The following COL24A1 variants were observed in gnomAD, a reference collection of about 807,000 sequenced individuals.
The protein encoded by COL24A1 is collagen type XXIV alpha 1 chain.
COL24A1 carries 224 observed loss-of-function variants against 253.9 expected under a neutral mutation model. The ratio of observed to expected loss-of-function variants is 0.88; its 90% CI spans 0.79 to 0.99. The LOEUF is 0.99. Ranked by LOEUF, COL24A1 falls within the 50% of genes least tolerant of loss-of-function variation. The pLI is 0.00. For synonymous variants in COL24A1, 685 were observed against 673.7 expected (o/e 1.02, Z -0.26); for missense variants, 2,131 against 2,068.5 (o/e 1.03, Z -0.59).
chr1:85,778,032 T>TCTATCTATCTAA (rs1668753034), intron 52 of COL24A1, among the ~76,000 whole-genome samples: 1 of 145,156 alleles, frequency 6.9e-6, no homozygotes, highest in Non-Finnish European at 1.5e-5. Context: ...TCTCTATCTA[T>TCTATCTATCTAA]CTATCTATCT....
At chr1:86,031,781 A>G in intron 14 of COL24A1, 97 bp downstream of exon 14, 1 of 926,398 alleles carries the variant, frequency 1.1e-6, no homozygotes, top group Admixed American at 2.6e-5. Flanking sequence ...ATGACAGTAA[A>G]ACCTCTCATT....
intron 12 of COL24A1, among the ~76,000 whole-genome samples, chr1:86,035,584 G>C (rs1317716370): frequency 6.6e-6 from 1 of 152,098 alleles, no homozygotes. Flanking sequence ...GGGAGGAATG[G>C]AAAGTGATTC....
At chr1:85,790,558 G>A (rs187560264) in intron 47 of COL24A1, among the ~76,000 whole-genome samples, 1 of 151,682 alleles carries the variant, frequency 6.6e-6, no homozygotes, top group East Asian at 1.9e-4. Context: ...ATCTTATATG[G>A]CACTTCCATT....
At chr1:85,823,817 G>T in intron 43 of COL24A1, 79 bp from the exon 44 acceptor site, 1 of 1,303,466 alleles carries the variant, frequency 7.7e-7, no homozygotes, top group Non-Finnish European at 1.1e-6. Flanking sequence ...CACTTAAAAT[G>T]GTAGCAAAGT....
chr1:85,827,322 G>A (rs1388627499), intron 43 of COL24A1, among the ~76,000 whole-genome samples: 1 of 151,378 alleles, frequency 6.6e-6, no homozygotes, highest in Admixed American at 6.6e-5. Context: ...GCTGGATTCA[G>A]TTTGCCAGTA....
At chr1:85,815,451 G>A (rs1020513731) in intron 47 of COL24A1, among the ~76,000 whole-genome samples, 1 of 151,944 alleles carries the variant, frequency 6.6e-6, no homozygotes, top group Non-Finnish European at 1.5e-5. Flanking sequence ...TTAAAGTTTC[G>A]TAGGCCGTAA....
At chr1:85,821,679 G>A (rs1673637990) in intron 45 of COL24A1, among the ~76,000 whole-genome samples, 1 of 152,144 alleles carries the variant, frequency 6.6e-6, no homozygotes, top group South Asian at 2.1e-4. Context: ...ATTACCCAAA[G>A]CAGGGAAGAA....
rs760587766 is a variant in COL24A1 at position 85,818,037 on chromosome 1, A to T, written c.3840T>A (p.Ile1280=). 1 of 1,613,512 alleles carries T rather than the reference A, an allele frequency of 6.2e-7. No individual in the cohort carries two copies. The highest frequency in any genetic ancestry group is 8.5e-7 in the Non-Finnish European group (1 of 1,179,508). The change falls in exon 46 of 60, where the codon ATT becomes ATA. Residue 1280 remains isoleucine (I), a synonymous_variant. Coordinates refer to ENST00000370571, the MANE Select transcript of COL24A1 (RefSeq NM_152890.7). ...ATGAAAGAGGCCTGTTACTTACAGG[A>T]ATCCCAGGTTTCCCAGAAGGACCAG... The part of the protein sequence containing the change: ...GAPGPSGKPG[I]PGLQGLLGPK...
intron 37 of COL24A1, among the ~76,000 whole-genome samples, chr1:85,857,334 A>G (rs1044972314): frequency 2.0e-4 from 31 of 151,904 alleles, no homozygotes; most frequent in Non-Finnish European, 3.1e-4. Flanking sequence ...TAGCTCTACA[A>G]TAAGGGCTGG....
At chr1:86,091,799 A>C (rs968118778) in intron 6 of COL24A1, among the ~76,000 whole-genome samples, 1 of 152,156 alleles carries the variant, frequency 6.6e-6, no homozygotes, top group African/African-American at 2.4e-5. Flanking sequence ...AAAATCTATG[A>C]ATTCTGTTTT....
intron 37 of COL24A1, among the ~76,000 whole-genome samples, chr1:85,855,302 G>T (rs916518755): frequency 3.9e-5 from 6 of 151,980 alleles, no homozygotes; most frequent in African/African-American, 1.4e-4. Context: ...ATCTCTCAAG[G>T]GGAATGCTTC....
intron 24 of COL24A1, among the ~76,000 whole-genome samples, chr1:85,945,016 T>G (rs1240597428): frequency 6.7e-5 from 6 of 89,636 alleles, no homozygotes; most frequent in African/African-American, 2.1e-4. Context: ...TTTTTTTTTT[T>G]TTTTTTTTTT....
At chr1:86,011,931 C>T (rs1258803890) in intron 19 of COL24A1, among the ~76,000 whole-genome samples, 1 of 152,066 alleles carries the variant, frequency 6.6e-6, no homozygotes, top group Non-Finnish European at 1.5e-5. Flanking sequence ...TGTGGAGCAA[C>T]CCCCAATGAT....
chr1:85,933,591 T>C (rs1012897164), intron 24 of COL24A1, among the ~76,000 whole-genome samples: 2 of 152,232 alleles, frequency 1.3e-5, no homozygotes, highest in African/African-American at 4.8e-5. Context: ...ACAGAAGTAC[T>C]TTCTGAAAGG....
chr1:85,889,674 TC>T (rs1682898262), intron 31 of COL24A1, 61 bp from the exon 32 acceptor site: 1 of 1,423,124 alleles, frequency 7.0e-7, no homozygotes, highest in Non-Finnish European at 9.9e-7. Context: ...TTAGACACTT[TC>T]CTTACCTTAG....
At chr1:85,885,397 A>ATTTTTTTTTTT (rs1177337391) in intron 32 of COL24A1, among the ~76,000 whole-genome samples, 9 of 128,902 alleles carry the variant, frequency 7.0e-5, no homozygotes, top group African/African-American at 2.6e-4. Context: ...ATATATATAT[A>ATTTTTTTTTTT]TTTTTTTTTT....
intron 19 of COL24A1, among the ~76,000 whole-genome samples, chr1:86,013,476 C>G (rs898133844): frequency 3.3e-5 from 5 of 152,162 alleles, no homozygotes; most frequent in African/African-American, 7.2e-5. Context: ...TCTGAAATCC[C>G]CTTACAACAA....
intron 32 of COL24A1, among the ~76,000 whole-genome samples, chr1:85,885,586 G>A (rs1186320019): frequency 1.3e-5 from 2 of 151,820 alleles, no homozygotes; most frequent in South Asian, 2.1e-4. Context: ...AATAAATAAC[G>A]AATTTATTTT....
chr1:86,044,732 T>C (rs1187624917), intron 12 of COL24A1, among the ~76,000 whole-genome samples: 7 of 152,146 alleles, frequency 4.6e-5, no homozygotes, highest in Non-Finnish European at 1.0e-4. Flanking sequence ...AAACCAGAAG[T>C]TGTCTATAAA....
Sources: allele counts gnomAD v4.1 joint callset (sites outside exome capture counted in the v4.1 genomes callset), GRCh38; gene constraint gnomAD v4.1.1; transcripts MANE v1.5; gene names NCBI Gene and HGNC (gene_info 2026-07-23, HGNC 2026-07-21).